The following PLPPR1 variants were observed in gnomAD, a reference collection of about 807,000 sequenced individuals.
PLPPR1 encodes phospholipid phosphatase-related protein type 1.
PLPPR1 carries 10 observed loss-of-function variants against 33.1 expected under a neutral mutation model. The observed-to-expected ratio is 0.30, with a 90% CI of 0.19 to 0.51. PLPPR1 has a LOEUF of 0.51. PLPPR1 is among the 20% of genes least tolerant of loss of function. PLPPR1 has a pLI of 0.97. For missense variants in PLPPR1, 304 were observed against 408.1 expected, an observed-to-expected ratio of 0.74 and a Z score of 2.20; for synonymous variants, 151 against 151.0, an observed-to-expected ratio of 1.00 and a Z score of 0.00.
At chr9:101,077,033 C>G (rs958053727) in intron 1 of PLPPR1, among the ~76,000 whole-genome samples, 6 of 152,216 alleles carry the variant, frequency 3.9e-5, no homozygotes, top group African/African-American at 1.2e-4. Context: ...GGTGTTACCT[C>G]TTGTCATATG....
intron 2 of PLPPR1, among the ~76,000 whole-genome samples, chr9:101,219,472 C>T (rs1044498325): frequency 1.3e-5 from 2 of 152,192 alleles, no homozygotes; most frequent in East Asian, 3.8e-4. Flanking sequence ...TTAGACTGAA[C>T]TAGGCAGTGT....
At chr9:101,162,469 G>A (rs1307129743) in intron 1 of PLPPR1, among the ~76,000 whole-genome samples, 1 of 152,208 alleles carries the variant, frequency 6.6e-6, no homozygotes, top group Non-Finnish European at 1.5e-5. Context: ...CAAAGGCAAA[G>A]CAAATGATTC....
chr9:101,292,947 C>A (rs1828543352), intron 4 of PLPPR1, among the ~76,000 whole-genome samples: 1 of 151,892 alleles, frequency 6.6e-6, no homozygotes, highest in African/African-American at 2.4e-5. Flanking sequence ...CAAATTCACA[C>A]ATAACAATAT....
intron 1 of PLPPR1, among the ~76,000 whole-genome samples, chr9:101,106,475 C>T: frequency 8.6e-6 from 1 of 116,426 alleles, no homozygotes; most frequent in African/African-American, 3.7e-5. Flanking sequence ...TGAATATTGG[C>T]CCCCACTCTC....
rs1461982207 is a variant in PLPPR1 at position 101,324,728 on chromosome 9, A to T, written c.*671A>T. ...CTAAATAACTCAAGATCTTTCTGGAATGTCTTCTGGCAGGCAGGTGCCACT... is the reference window on the plus strand; with the variant it reads ...CTAAATAACTCAAGATCTTTCTGGATTGTCTTCTGGCAGGCAGGTGCCACT... On this transcript the variant is annotated 3_prime_UTR_variant, in exon 8 of 8. Coordinates refer to ENST00000374874, the MANE Select transcript of PLPPR1 (RefSeq NM_207299.2). 6.6e-6 allele frequency: 1 copy of T among 152,648 alleles called. No individual in the cohort carries two copies. Among genetic ancestry groups the T allele is most frequent in the Non-Finnish European group, 1.5e-5 (1 of 68,052 alleles). 9.5% of individuals were successfully genotyped at this position (152,648 alleles called of 1,614,324 possible). A position where few individuals can be genotyped will look rare whatever the true frequency, so the allele number is the denominator to read the frequency against.
intron 1 of PLPPR1, among the ~76,000 whole-genome samples, chr9:101,157,353 T>A (rs79495945): frequency 8.7e-4 from 132 of 152,300 alleles, no homozygotes; most frequent in African/African-American, 3.0e-3. Context: ...AGATTTGAGC[T>A]CAAAATCTAT....
At chr9:101,270,649 A>T (rs908505352) in intron 3 of PLPPR1, among the ~76,000 whole-genome samples, 1 of 152,136 alleles carries the variant, frequency 6.6e-6, no homozygotes, top group African/African-American at 2.4e-5. Flanking sequence ...TTTCCCTTTC[A>T]TGAGGCAAAA....
intron 3 of PLPPR1, among the ~76,000 whole-genome samples, chr9:101,283,718 C>A (rs2118912649): frequency 6.6e-6 from 1 of 152,108 alleles, no homozygotes; most frequent in East Asian, 1.9e-4. Context: ...AAGAGACAAC[C>A]TACAGAATGG....
intron 1 of PLPPR1, among the ~76,000 whole-genome samples, chr9:101,064,780 G>A (rs916076795): frequency 6.6e-6 from 1 of 151,982 alleles, no homozygotes; most frequent in Non-Finnish European, 1.5e-5. Context: ...TCTGATGAGG[G>A]CCTTCTTTCC....
chr9:101,052,915 C>T (rs1830240596), intron 1 of PLPPR1, among the ~76,000 whole-genome samples: 1 of 152,182 alleles, frequency 6.6e-6, no homozygotes, highest in South Asian at 2.1e-4. Flanking sequence ...GCAATGGTCA[C>T]CTGTATTTCG....
chr9:101,323,469 CA>C (rs11339430), intron 7 of PLPPR1, among the ~76,000 whole-genome samples: 31,283 of 93,842 alleles, frequency 0.33, 3,414 homozygotes, highest in African/African-American at 0.39. Context: ...AACCCTGTCT[CA>C]AAAAAAAAAA....
chr9:101,254,835 A>G (rs1414587896), intron 2 of PLPPR1, among the ~76,000 whole-genome samples: 1 of 152,142 alleles, frequency 6.6e-6, no homozygotes. Context: ...ACCAAAAATG[A>G]CACTGTATTG....
chr9:101,067,987 A>C lies in PLPPR1; in HGVS notation c.-46+38885A>C, dbSNP rs567559937. On this transcript the variant is annotated intron_variant, in intron 1 of 7. Transcript: ENST00000374874. ...ATTTGAGGCAAAGCATATGCTTAAC[A>C]TAATGCTAAATGCTGAGAAGGTACT... Among the ~76,000 whole-genome samples the C allele has an allele frequency of 3.3e-5, 5 of 152,238 alleles. No homozygotes were observed. In the East Asian group the frequency reaches 9.7e-4, roughly 29 times the overall value.
At chr9:101,214,974 G>T (rs1247796010) in intron 2 of PLPPR1, among the ~76,000 whole-genome samples, 1 of 148,818 alleles carries the variant, frequency 6.7e-6, no homozygotes, top group Non-Finnish European at 1.5e-5. Flanking sequence ...AGTCAGCTGA[G>T]ATCACGCCAC....
chr9:101,320,337 A>G (rs1007761821), intron 7 of PLPPR1, among the ~76,000 whole-genome samples: 3 of 152,152 alleles, frequency 2.0e-5, no homozygotes, highest in Non-Finnish European at 2.9e-5. Flanking sequence ...TGCCTCCTCC[A>G]AAGACTTGGG....
Position 101,266,207 on chromosome 9 carries a change from A to T in PLPPR1, c.64-3673A>T, listed in dbSNP as rs561107382. On this transcript the variant is annotated intron_variant, in intron 2 of 7. Transcript: ENST00000374874. ...TTTGGGAGGCTGAGATGGATGGATC[A>T]CTCGAGGTCAAGAGTTTGAGACCAG... 5.9e-5 allele frequency among the ~76,000 whole-genome samples: 9 copies of T among 151,962 alleles called. No individual in the cohort carries two copies. In the East Asian group the frequency reaches 1.8e-3, roughly 30 times the overall value.
chr9:101,173,900 C>A (rs1243762636), intron 1 of PLPPR1, among the ~76,000 whole-genome samples: 1 of 152,044 alleles, frequency 6.6e-6, no homozygotes, highest in Non-Finnish European at 1.5e-5. Context: ...TCAGTAGAGC[C>A]CCTCACAACA....
In PLPPR1 at chr9:101,155,681, C is replaced by A. The variant is rs552232505; in HGVS notation, c.-45-29769C>A. On this transcript the variant is annotated intron_variant, in intron 1 of 7. Coordinates refer to ENST00000374874, the MANE Select transcript of PLPPR1 (RefSeq NM_207299.2). ...GTGGTGCAGTCTTGGCTCACTGCAA[C>A]CTCCAGCTCCCAGATTCAAGTGATT... Among the ~76,000 whole-genome samples the A allele has an allele frequency of 4.6e-5, 7 of 151,984 alleles. No individual in the cohort carries two copies. The South Asian group carries it at 1.5e-3, about 32-fold the overall frequency.
At chr9:101,164,305 A>C (rs1564162925) in intron 1 of PLPPR1, among the ~76,000 whole-genome samples, 1 of 151,900 alleles carries the variant, frequency 6.6e-6, no homozygotes, top group East Asian at 1.9e-4. Flanking sequence ...TATTTCATAG[A>C]GTTGTTATGA....
Sources: gnomAD v4.1 joint callset for allele counts (sites outside exome capture counted in the v4.1 genomes callset) on GRCh38, gnomAD v4.1.1 for gene constraint, MANE v1.5 for transcripts, NCBI Gene and HGNC (gene_info 2026-07-23, HGNC 2026-07-21) for gene names.